RCCD1: variants seen among roughly 807,000 people sequenced by gnomAD.
The protein encoded by RCCD1 is RCC1 domain containing 1.
Under a neutral mutation model 37.6 loss-of-function variants are expected in RCCD1, and 40 were observed. The observed-to-expected ratio is 1.06, with a 90% CI of 0.83 to 1.39. RCCD1 has a LOEUF of 1.39. Among genes scored for constraint, RCCD1 ranks in the 40% most tolerant of loss-of-function variants. RCCD1 has a pLI of 0.00. For synonymous variants in RCCD1, 263 were observed against 230.0 expected (o/e 1.14, Z -1.30); for missense variants, 577 against 517.3 (o/e 1.12, Z -1.12).
At chr15:90,959,044 T>C (rs1385049967) in intron 4 of RCCD1, among the ~76,000 whole-genome samples, 2 of 151,920 alleles carry the variant, frequency 1.3e-5, no homozygotes, top group African/African-American at 4.8e-5. Flanking sequence ...CAGAAGGAGT[T>C]TGAGGCCTTA....
intron 6 of RCCD1, 79 bp downstream of exon 6, chr15:90,960,577 G>T: frequency 7.2e-7 from 1 of 1,386,184 alleles, no homozygotes; most frequent in South Asian, 1.3e-5. Flanking sequence ...AAAAACTTCT[G>T]TCTTAAGGCT....
chr15:90,957,238 G>T lies in RCCD1; in HGVS notation c.292G>T (p.Val98Phe). The part of the protein sequence containing the change: ...AGPGPEALLQ[V>F]WAAESALRGE... ...GCCGGGGCCGGAGGCGTTACTGCAG[G>T]TCTGGGCGGCCGAATCGGCGCTGCG... Residue 98 changes from valine to phenylalanine, a missense_variant, in exon 3 of 8, where the codon GTC (valine) becomes TTC (phenylalanine). By Grantham distance (50) the Val-to-Phe change is conservative (BLOSUM62 -1). Transcript: ENST00000394258. 1 of 1,462,902 alleles carries T rather than the reference G, an allele frequency of 6.8e-7. No individual in the cohort carries two copies. The highest frequency in any genetic ancestry group is 9.0e-7 in the Non-Finnish European group (1 of 1,105,100). 90.6% of individuals were successfully genotyped at this position (1,462,902 alleles called of 1,614,324 possible). A position where few individuals can be genotyped will look rare whatever the true frequency, so the allele number is the denominator to read the frequency against.
At chr15:90,958,576 C>T (rs1405152616) in intron 4 of RCCD1, among the ~76,000 whole-genome samples, 3 of 144,124 alleles carry the variant, frequency 2.1e-5, no homozygotes, top group African/African-American at 2.6e-5. Flanking sequence ...TGCAGTGAGC[C>T]GAGATCGTGC....
chr15:90,957,842 C>G, intron 4 of RCCD1, 117 bp downstream of exon 4: 1 of 1,380,418 alleles, frequency 7.2e-7, no homozygotes, highest in South Asian at 1.4e-5. Context: ...CCATCCATCG[C>G]CCAGTCAGTT....
chr15:90,957,629 C>T lies in RCCD1; in HGVS notation c.583C>T (p.Leu195=). The change falls in exon 4 of 8, where the codon CTG becomes TTG. Residue 195 remains leucine (L), a synonymous_variant. Coordinates refer to ENST00000394258, the MANE Select transcript of RCCD1 (RefSeq NM_001017919.2). ...GRHGQLGHGT[L]EAELEPRLLE... is the part of the protein sequence containing the mutation. ...GCATGGACAGCTGGGCCATGGGACC[C>T]TGGAGGCAGAGCTGGAGCCACGGCT... 3 of 1,614,150 alleles carry T rather than the reference C, an allele frequency of 1.9e-6. No homozygotes were observed. The highest frequency in any genetic ancestry group is 2.5e-6 in the Non-Finnish European group (3 of 1,180,026).
At chr15:90,961,434 G>A in intron 7 of RCCD1, 184 bp from the exon 8 acceptor site, 2 of 620,836 alleles carry the variant, frequency 3.2e-6, no homozygotes, top group Non-Finnish European at 5.6e-6. Context: ...CGTCTTGCCT[G>A]GAGTGGCTGG....
intron 1 of RCCD1, chr15:90,955,435 C>T (rs2037156640): frequency 6.6e-6 from 1 of 152,294 alleles, no homozygotes; most frequent in Non-Finnish European, 1.5e-5. Flanking sequence ...GGGTAGAGGG[C>T]ATAGGGTCAA....
chr15:90,956,028 G>C (rs1462004968), intron 1 of RCCD1: 1 of 152,098 alleles, frequency 6.6e-6, no homozygotes, highest in Non-Finnish European at 1.5e-5. Flanking sequence ...CCCTTTATTT[G>C]CATTTATTAC....
chr15:90,956,528 TAGTC>T (rs1298254128), intron 1 of RCCD1, 80 bp from the exon 2 acceptor site: 3 of 413,962 alleles, frequency 7.2e-6, no homozygotes, highest in African/African-American at 4.1e-5. Flanking sequence ...GGTAGGGCAT[TAGTC>T]AGGGCGCCTG....
rs773646131 is a variant in RCCD1 at position 90,956,804 on chromosome 15, G to C, written c.70G>C (p.Gly24Arg). 1 of 1,311,116 alleles carries C rather than the reference G, an allele frequency of 7.6e-7. No individual in the cohort carries two copies. 81.2% of individuals were successfully genotyped at this position (1,311,116 alleles called of 1,614,324 possible). The change falls in exon 2 of 8, where the codon GGA (glycine) becomes CGA (arginine). Residue 24 changes from glycine (G) to arginine (R), a missense_variant. Gly to Arg is a moderately radical substitution (Grantham distance 125, BLOSUM62 -2). Coordinates refer to ENST00000394258, the MANE Select transcript of RCCD1 (RefSeq NM_001017919.2). ...FCGFGQELGS[G>R]RGRQVHSPSP... ...CGGCTTCGGGCAGGAGCTGGGCTCCGGACGCGGGCGCCAGGTGCACAGCCC... is the reference window on the plus strand; with the variant it reads ...CGGCTTCGGGCAGGAGCTGGGCTCCCGACGCGGGCGCCAGGTGCACAGCCC...
rs2037339958 is a variant in RCCD1 at position 90,962,766 on chromosome 15, A to G, written c.*997A>G. On this transcript the variant is annotated 3_prime_UTR_variant, in exon 8 of 8. Transcript: ENST00000394258. The stretch of plus-strand genomic sequence containing the variant: ...TTTCTGGCCTTTTAAAATGTTCTGT[A>G]TTTTCCTTAGTGATTTTTCTTTTGG... 1.3e-5 allele frequency: 2 copies of G among 152,048 alleles called. No individual in the cohort carries two copies. The highest frequency in any genetic ancestry group is 6.5e-5 in the Admixed American group (1 of 15,274). The allele number at this position is 152,048 out of a possible 1,614,324, so 9.4% of individuals were successfully genotyped here.
At chr15:90,957,008 C>T in intron 2 of RCCD1, 105 bp from the exon 3 acceptor site, 1 of 1,284,112 alleles carries the variant, frequency 7.8e-7, no homozygotes, top group Non-Finnish European at 9.9e-7. Flanking sequence ...GCCGCCAGCC[C>T]CACATTCTGG....
At chr15:90,958,241 CAG>C (rs1341705241) in intron 4 of RCCD1, among the ~76,000 whole-genome samples, 3 of 152,158 alleles carry the variant, frequency 2.0e-5, no homozygotes, top group East Asian at 3.9e-4. Context: ...AGAGCCCATG[CAG>C]AGAGGGTGAG....
rs151076997 is a variant in RCCD1, at chr15:90,962,171, TATACGAC to T, written c.*406_*412del. The stretch of plus-strand genomic sequence containing the variant: ...ATTTTACCATTCTTGTATGCAGCCT[TATACGAC>T]ATAGTTGTGTTTGCTTTTGAGTGTT... On this transcript the variant is annotated 3_prime_UTR_variant, in exon 8 of 8. Transcript: ENST00000394258. The T allele has an allele frequency of 3.5e-4, 57 of 161,634 alleles. 1 individual carries two copies. The East Asian group carries it at 9.3e-3, about 26-fold the overall frequency. The allele number at this position is 161,634 out of a possible 1,614,324, so 10.0% of individuals were successfully genotyped here. A position where few individuals can be genotyped will look rare whatever the true frequency, so the allele number is the denominator to read the frequency against.
chr15:90,955,003 C>G (rs1336467731), intron 1 of RCCD1, 55 bp downstream of exon 1: 4 of 152,298 alleles, frequency 2.6e-5, no homozygotes, highest in African/African-American at 7.2e-5. Flanking sequence ...ACCTTTAGCT[C>G]AAGTCTTAAT....
Position 90,957,270 on chromosome 15 carries a change from G to A in RCCD1, c.324G>A (p.Glu108=). The change falls in exon 3 of 8, where the codon GAG becomes GAA. Residue 108 remains glutamate, a synonymous_variant. Coordinates refer to ENST00000394258, the MANE Select transcript of RCCD1 (RefSeq NM_001017919.2). ...CGGCCGAATCGGCGCTGCGTGGGGA[G>A]CCATTGTGGGCCCAGAATGTGGTGC... ...VWAAESALRG[E]PLWAQNVVPE... 1 of 1,505,620 alleles carries A rather than the reference G, an allele frequency of 6.6e-7. No individual in the cohort carries two copies. Among genetic ancestry groups the A allele is most frequent in the Non-Finnish European group, 8.9e-7 (1 of 1,122,660 alleles). The allele number at this position is 1,505,620 out of a possible 1,614,324, so 93.3% of individuals were successfully genotyped here.
Position 90,957,206 on chromosome 15 carries a change from G to T in RCCD1, c.260G>T (p.Arg87Leu). ...WASEGLLAVLRAGPGPEALLQ... is the reference protein window; with the variant it reads ...WASEGLLAVLLAGPGPEALLQ... ...TCGGAGGGGCTCCTCGCGGTGCTGCGCGCCGGGCCGGGGCCGGAGGCGTTA... is the reference window on the plus strand; with the variant it reads ...TCGGAGGGGCTCCTCGCGGTGCTGCTCGCCGGGCCGGGGCCGGAGGCGTTA... Residue 87 changes from arginine to leucine, a missense_variant, in exon 3 of 8, where the codon CGC (arginine) becomes CTC (leucine). Arg to Leu is a moderately radical substitution (Grantham distance 102). Coordinates refer to ENST00000394258, the MANE Select transcript of RCCD1 (RefSeq NM_001017919.2). 1 of 1,407,990 alleles carries T rather than the reference G, an allele frequency of 7.1e-7. No individual in the cohort carries two copies. Among genetic ancestry groups the T allele is most frequent in the East Asian group, 2.9e-5 (1 of 34,956 alleles). 87.2% of individuals were successfully genotyped at this position (1,407,990 alleles called of 1,614,324 possible). A position where few individuals can be genotyped will look rare whatever the true frequency, so the allele number is the denominator to read the frequency against.
chr15:90,955,958 T>C (rs1017749802), intron 1 of RCCD1: 7 of 152,166 alleles, frequency 4.6e-5, no homozygotes, highest in Admixed American at 2.0e-4. Context: ...TTGTCAACAC[T>C]AAATACTGGA....
chr15:90,961,455 C>A, intron 7 of RCCD1, 163 bp from the exon 8 acceptor site: 4 of 747,668 alleles, frequency 5.3e-6, no homozygotes, highest in Non-Finnish European at 8.4e-6. Flanking sequence ...TCGCCACTAG[C>A]CTCTTGGGGA....
Sources: allele counts gnomAD v4.1 joint callset (sites outside exome capture counted in the v4.1 genomes callset), GRCh38; gene constraint gnomAD v4.1.1; transcripts MANE v1.5; gene names NCBI Gene and HGNC (gene_info 2026-07-23, HGNC 2026-07-21).